PSAT1: variants seen among roughly 807,000 people sequenced by gnomAD.
PSAT1 encodes phosphoserine aminotransferase 1, also known as phosphoserine aminotransferase.
In PSAT1, 41 loss-of-function variants were observed where a neutral mutation model predicts 40.3. The ratio of observed to expected loss-of-function variants is 1.02; its 90% CI spans 0.79 to 1.32. The LOEUF is 1.32. Among genes scored for constraint, PSAT1 ranks in the 40% most tolerant of loss-of-function variants. PSAT1 has a pLI of 0.00. For missense variants in PSAT1, 406 were observed against 455.8 expected (o/e 0.89, Z 0.99); for synonymous variants, 147 against 170.5 (o/e 0.86, Z 1.07).
intron 6 of PSAT1, among the ~76,000 whole-genome samples, chr9:78,313,717 T>G (rs925575380): frequency 7.2e-5 from 11 of 152,174 alleles, no homozygotes; most frequent in Non-Finnish European, 1.5e-4. Flanking sequence ...TGATGATAGC[T>G]CTCAGAAACC....
chr9:78,317,712 A>T lies in PSAT1; in HGVS notation c.777A>T (p.Lys259Asn), dbSNP rs2118681412. ...YVMGLVLEWI[K>N]NNGGAAAMEK... ...TGGGCTTGGTTCTGGAGTGGATTAA[A>T]AACAATGGAGGTGCCGCGGCCATGG... The change falls in exon 7 of 9, where the codon AAA becomes AAT. Residue 259 changes from lysine (K) to asparagine (N), a missense_variant. Physicochemically the swap from Lys to Asn is moderately conservative, Grantham distance 94. Coordinates refer to ENST00000376588, the MANE Select transcript of PSAT1 (RefSeq NM_058179.4). 1 of 1,613,944 alleles carries T rather than the reference A, an allele frequency of 6.2e-7. No homozygotes were observed. Among genetic ancestry groups the T allele is most frequent in the Non-Finnish European group, 8.5e-7 (1 of 1,179,868 alleles).
At chr9:78,325,568 C>T (rs1041467854) in intron 7 of PSAT1, among the ~76,000 whole-genome samples, 4 of 152,200 alleles carry the variant, frequency 2.6e-5, no homozygotes, top group Non-Finnish European at 5.9e-5. Flanking sequence ...ATGCCTTGTC[C>T]CCTCCCCTGA....
Position 78,308,583 on chromosome 9 carries a change from G to C in PSAT1, c.740G>C (p.Ser247Thr). ...SSLYNTPPCF[S>T]IYVMGLVLEW... ...TTGTACAACACGCCTCCATGTTTCA[G>C]GTAACTCTGGGAGTCAGTCTTGTGG... is the stretch of plus-strand genomic sequence containing the variant. The change falls in exon 6 of 9, where the codon AGC becomes ACC. Residue 247 changes from serine to threonine, a missense_variant and splice_region_variant. Ser to Thr is a moderately conservative substitution (Grantham distance 58, BLOSUM62 1). Transcript: ENST00000376588. 1.2e-6 allele frequency: 2 copies of C among 1,613,978 alleles called. No homozygotes were observed. Among genetic ancestry groups the C allele is most frequent in the Non-Finnish European group, 1.7e-6 (2 of 1,180,000 alleles).
Position 78,317,695 on chromosome 9 carries a change from G to C in PSAT1, c.760G>C (p.Val254Leu). 6.2e-7 allele frequency: 1 copy of C among 1,613,904 alleles called. No homozygotes were observed. The highest frequency in any genetic ancestry group is 8.5e-7 in the Non-Finnish European group (1 of 1,179,864). The change falls in exon 7 of 9, where the codon GTT becomes CTT. Residue 254 changes from valine to leucine, a missense_variant. Transcript: ENST00000376588. ...TTTTAGCATCTACGTCATGGGCTTG[G>C]TTCTGGAGTGGATTAAAAACAATGG... ...PCFSIYVMGL[V>L]LEWIKNNGGA...
chr9:78,320,241 C>G lies in PSAT1; in HGVS notation c.869+2437C>G, dbSNP rs769832404. 2.0e-5 allele frequency among the ~76,000 whole-genome samples: 3 copies of G among 151,772 alleles called. No homozygotes were observed. The East Asian group carries it at 5.9e-4, about 30-fold the overall frequency. ...CCCATTCATTCACCCATCCACTCAT[C>G]CAGACATCCATCTGTCCACCCATTC... On this transcript the variant is annotated intron_variant, in intron 7 of 8. Coordinates refer to ENST00000376588, the MANE Select transcript of PSAT1 (RefSeq NM_058179.4).
In PSAT1 at chr9:78,328,946, T is replaced by G. The variant is rs181879569; in HGVS notation, c.1008-35T>G. 5,400 of 1,555,414 alleles carry G rather than the reference T, an allele frequency of 3.5e-3. 18 individuals are homozygous for G. Among genetic ancestry groups the G allele is most frequent in the Non-Finnish European group, 4.3e-3 (4,801 of 1,126,502 alleles). On this transcript the variant is annotated intron_variant, in intron 8 of 8. Transcript: ENST00000376588. ...GTGTTTTGATGCGAAATTAGACGTT[T>G]TTGTTCTCAATGCCTGGATCTTTGG...
chr9:78,298,829 C>T (rs1338321344), intron 1 of PSAT1, among the ~76,000 whole-genome samples: 1 of 151,840 alleles, frequency 6.6e-6, no homozygotes, highest in African/African-American at 2.4e-5. Context: ...TGACTGTAAC[C>T]TACAGTGAAA....
intron 3 of PSAT1, 46 bp downstream of exon 3, chr9:78,302,069 C>T: frequency 7.6e-7 from 1 of 1,322,824 alleles, no homozygotes; most frequent in Non-Finnish European, 1.1e-6. Flanking sequence ...TTAGATACTT[C>T]CTAAATCTGG....
At chr9:78,317,260 T>G (rs534405441) in intron 6 of PSAT1, among the ~76,000 whole-genome samples, 20 of 151,814 alleles carry the variant, frequency 1.3e-4, no homozygotes, top group Non-Finnish European at 2.4e-4. Context: ...TTTCTTTCTT[T>G]ATTTTTTTTG....
In PSAT1 at chr9:78,328,099, C is replaced by T. The variant is rs1828527462; in HGVS notation, c.918C>T (p.Arg306=). The change falls in exon 8 of 9, where the codon CGC becomes CGT. Residue 306 remains arginine (R), a synonymous_variant. Transcript: ENST00000376588. ...QNRSKMNIPF[R]IGNAKGDDAL... is the part of the protein sequence containing the mutation. ...GAAGCAAGATGAATATTCCATTCCGCATTGGCAATGCCAAAGGAGATGATG... is the reference window on the plus strand; with the variant it reads ...GAAGCAAGATGAATATTCCATTCCGTATTGGCAATGCCAAAGGAGATGATG... The T allele has an allele frequency of 6.2e-7, 1 of 1,611,668 alleles. No homozygotes were observed. The highest frequency in any genetic ancestry group is 1.3e-5 in the African/African-American group (1 of 74,958).
intron 4 of PSAT1, among the ~76,000 whole-genome samples, chr9:78,305,892 A>G (rs1271069369): frequency 6.6e-6 from 1 of 152,116 alleles, no homozygotes; most frequent in Non-Finnish European, 1.5e-5. Flanking sequence ...AATTTACTTT[A>G]TTTTATTTTG....
intron 5 of PSAT1, among the ~76,000 whole-genome samples, chr9:78,307,464 T>A (rs1262263453): frequency 1.3e-5 from 2 of 152,280 alleles, no homozygotes; most frequent in Non-Finnish European, 2.9e-5. Flanking sequence ...GTTTATGGTC[T>A]GCTTTTTATT....
chr9:78,298,199 G>A (rs1309073244), intron 1 of PSAT1: 6 of 167,234 alleles, frequency 3.6e-5, no homozygotes, highest in South Asian at 5.1e-4. Context: ...AGCCCCACCC[G>A]CAGTGAAGAA....
At position 78,308,410 on chromosome 9, in the gene PSAT1, T is replaced by A. The variant is rs539694042; in HGVS notation, c.571-4T>A. 9 of 1,613,024 alleles carry A rather than the reference T, an allele frequency of 5.6e-6. No homozygotes were observed. In the Admixed American group the frequency reaches 1.5e-4, roughly 27 times the overall value. ...CTTAAGCAGCATGTCTTTCTCTTTT[T>A]AAGTTTGGTGTGATTTTTGCTGGTG... On this transcript the variant is annotated splice_region_variant and splice_polypyrimidine_tract_variant and intron_variant, in intron 5 of 8. Coordinates refer to ENST00000376588, the MANE Select transcript of PSAT1 (RefSeq NM_058179.4).
At chr9:78,298,495 A>C in intron 1 of PSAT1, 13 of 927,882 alleles carry the variant, frequency 1.4e-5, no homozygotes, top group African/African-American at 1.8e-5. Flanking sequence ...ATTTTTTCTC[A>C]GTGGTTACAG....
chr9:78,314,951 A>G (rs1417540138), intron 6 of PSAT1, among the ~76,000 whole-genome samples: 1 of 152,048 alleles, frequency 6.6e-6, no homozygotes, highest in Non-Finnish European at 1.5e-5. Context: ...GCTTGGATTC[A>G]ATCACATGGC....
At chr9:78,307,448 T>C (rs1422744870) in intron 5 of PSAT1, among the ~76,000 whole-genome samples, 1 of 152,248 alleles carries the variant, frequency 6.6e-6, no homozygotes, top group Non-Finnish European at 1.5e-5. Context: ...AGATATACTG[T>C]ATTTGGTTTA....
At chr9:78,326,955 A>ATATATATATATATATATATATATATTTTT in intron 7 of PSAT1, among the ~76,000 whole-genome samples, 4 of 75,932 alleles carry the variant, frequency 5.3e-5, no homozygotes, top group African/African-American at 3.8e-4. Flanking sequence ...ATATATATAT[A>ATATATATATATATATATATATATATTTTT]TTTTTTTTTT....
chr9:78,318,989 T>C (rs1342818553), intron 7 of PSAT1, among the ~76,000 whole-genome samples: 4 of 152,208 alleles, frequency 2.6e-5, no homozygotes, highest in African/African-American at 9.7e-5. Context: ...GACTTCCTGC[T>C]GTGTACATGT....
Sources: allele counts gnomAD v4.1 joint callset (sites outside exome capture counted in the v4.1 genomes callset), GRCh38; gene constraint gnomAD v4.1.1; transcripts MANE v1.5; gene names NCBI Gene and HGNC (gene_info 2026-07-23, HGNC 2026-07-21).